The following NHSL1 variants were observed in gnomAD, a reference collection of about 807,000 sequenced individuals.
The protein encoded by NHSL1 is NHS like 1.
NHSL1 carries 48 observed loss-of-function variants against 95.0 expected under a neutral mutation model. That is an observed-to-expected ratio of 0.51 (90% CI 0.40 to 0.64). The LOEUF is 0.64. NHSL1 is among the 30% of genes least tolerant of loss of function. The pLI is 0.00. For missense variants in NHSL1, 1,971 were observed against 2,077.7 expected (o/e 0.95, Z 1.00); for synonymous variants, 783 against 833.9 (o/e 0.94, Z 1.05).
chr6:138,557,337 C>T (rs529488866), intron 1 of NHSL1, among the ~76,000 whole-genome samples: 1 of 152,148 alleles, frequency 6.6e-6, no homozygotes, highest in Non-Finnish European at 1.5e-5. Context: ...ACAGCACTGC[C>T]CACAGGATTG....
At chr6:138,629,224 C>T (rs927189223) in intron 1 of NHSL1, among the ~76,000 whole-genome samples, 1 of 152,208 alleles carries the variant, frequency 6.6e-6, no homozygotes, top group African/African-American at 2.4e-5. Context: ...TTCCCATCAG[C>T]TCTTCCAGAA....
At chr6:138,579,708 T>C (rs1030988673) in intron 1 of NHSL1, among the ~76,000 whole-genome samples, 3 of 152,240 alleles carry the variant, frequency 2.0e-5, no homozygotes, top group South Asian at 2.1e-4. Context: ...ACTAGGTGAA[T>C]TGAATTGCTC....
intron 1 of NHSL1, among the ~76,000 whole-genome samples, chr6:138,681,246 A>G (rs903529266): frequency 1.3e-5 from 2 of 152,244 alleles, no homozygotes; most frequent in Non-Finnish European, 2.9e-5. Flanking sequence ...TCATATTTGT[A>G]TACAGAAACC....
chr6:138,609,998 C>G (rs1378850006), intron 1 of NHSL1, among the ~76,000 whole-genome samples: 7 of 152,020 alleles, frequency 4.6e-5, no homozygotes, highest in African/African-American at 1.7e-4. Flanking sequence ...GCATCTTAGG[C>G]CCCCTGCCAA....
chr6:138,661,629 T>C (rs1411680464), intron 1 of NHSL1, among the ~76,000 whole-genome samples: 1 of 149,220 alleles, frequency 6.7e-6, no homozygotes, highest in Non-Finnish European at 1.5e-5. Context: ...GCCACTGCCC[T>C]CCAGACTAAG....
At chr6:138,597,363 T>C (rs952425534) in intron 1 of NHSL1, among the ~76,000 whole-genome samples, 9 of 152,214 alleles carry the variant, frequency 5.9e-5, no homozygotes, top group Non-Finnish European at 2.9e-5. Context: ...TCTCAGATAC[T>C]GTTATTTCCT....
rs1229372037 is a variant in NHSL1, at chr6:138,427,449, G to GA, written c.4085+2261dup. Among the ~76,000 whole-genome samples the GA allele has an allele frequency of 4.8e-3, 518 of 108,232 alleles. 6 individuals are homozygous for GA. The highest frequency in any genetic ancestry group is 0.013 in the African/African-American group (391 of 29,216). The allele number at this position is 108,232 out of a possible 152,430, so 71.0% of individuals were successfully genotyped here. On this transcript the variant is annotated intron_variant, in intron 7 of 7. Transcript: ENST00000343505. ...AGTGAGTGAGACTCTGTATCAAAAA[G>GA]AAAAAAAAAAAAAGGAAGAAAGATG...
At chr6:138,529,175 T>A (rs963915138) in intron 1 of NHSL1, among the ~76,000 whole-genome samples, 3 of 152,186 alleles carry the variant, frequency 2.0e-5, no homozygotes, top group Non-Finnish European at 4.4e-5. Context: ...CTGGGTCAAC[T>A]ATGATGTTCC....
intron 3 of NHSL1, among the ~76,000 whole-genome samples, chr6:138,472,928 T>C (rs1023686013): frequency 1.3e-5 from 2 of 152,218 alleles, no homozygotes; most frequent in African/African-American, 2.4e-5. Context: ...CTTGGTCATA[T>C]GAAAACTCAA....
chr6:138,588,970 G>T (rs1784183913), intron 1 of NHSL1, among the ~76,000 whole-genome samples: 1 of 152,148 alleles, frequency 6.6e-6, no homozygotes, highest in African/African-American at 2.4e-5. Context: ...ACGACATGCA[G>T]TGCTTGTAGT....
Position 138,424,409 on chromosome 6 carries a change from C to T in NHSL1, c.4493G>A (p.Gly1498Asp). The T allele has an allele frequency of 6.5e-7, 1 of 1,550,116 alleles. No homozygotes were observed. The highest frequency in any genetic ancestry group is 8.7e-7 in the Non-Finnish European group (1 of 1,146,034). The change falls in exon 8 of 8, where the codon GGC becomes GAC. Residue 1498 changes from glycine to aspartate, a missense_variant. By Grantham distance (94) the Gly-to-Asp change is moderately conservative. Coordinates refer to ENST00000343505, the MANE Select transcript of NHSL1 (RefSeq NM_001144060.2). This position sits in a 1 kb window ranked among gnomAD's most constrained non-coding sequence, Gnocchi z 5.9. ...GGCAGAAGGCGGCGTTCGGCTGCGG[C>T]CGTACCTGGGGCCGGAAAAGGACAG... The part of the protein sequence containing the change: ...RSLSFSGPRY[G>D]RSRTPPSAAS...
At chr6:138,670,086 A>C (rs1179362826) in intron 1 of NHSL1, among the ~76,000 whole-genome samples, 1 of 152,072 alleles carries the variant, frequency 6.6e-6, no homozygotes, top group African/African-American at 2.4e-5. Context: ...ACGCCACTGC[A>C]CTCCAGCCTG....
At chr6:138,657,407 C>T (rs1785170253) in intron 1 of NHSL1, among the ~76,000 whole-genome samples, 1 of 152,208 alleles carries the variant, frequency 6.6e-6, no homozygotes, top group African/African-American at 2.4e-5. Flanking sequence ...GGAAGCAACA[C>T]TAGGGCTGAT....
chr6:138,673,588 TA>T (rs1187379272), intron 1 of NHSL1, among the ~76,000 whole-genome samples: 3 of 152,268 alleles, frequency 2.0e-5, no homozygotes, highest in East Asian at 3.9e-4. Context: ...AAGTTTAAGT[TA>T]AAAAACAGAA....
At chr6:138,564,843 G>A (rs933691978) in intron 1 of NHSL1, among the ~76,000 whole-genome samples, 2 of 152,184 alleles carry the variant, frequency 1.3e-5, no homozygotes, top group Non-Finnish European at 1.5e-5. Context: ...AGACTTCACA[G>A]AGTTTTAAAG....
intron 2 of NHSL1, 97 bp downstream of exon 2, chr6:138,496,122 C>A: frequency 7.9e-7 from 1 of 1,270,214 alleles, no homozygotes; most frequent in South Asian, 1.3e-5. Flanking sequence ...ACTATACATT[C>A]AATAAAAGTA....
chr6:138,459,467 TGTTA>T (rs1187529994), intron 3 of NHSL1, among the ~76,000 whole-genome samples: 1 of 152,226 alleles, frequency 6.6e-6, no homozygotes, highest in Non-Finnish European at 1.5e-5. Flanking sequence ...ATCATTGAAC[TGTTA>T]TTTATAGAAG....
chr6:138,428,780 T>G (rs1329590552), intron 7 of NHSL1, among the ~76,000 whole-genome samples: 2 of 151,918 alleles, frequency 1.3e-5, no homozygotes, highest in African/African-American at 4.8e-5. Flanking sequence ...GGATGCTTTG[T>G]TTCAGGAGGT....
chr6:138,665,053 T>C (rs937914888), intron 1 of NHSL1, among the ~76,000 whole-genome samples: 1 of 152,214 alleles, frequency 6.6e-6, no homozygotes, highest in South Asian at 2.1e-4. Flanking sequence ...ATATTAACCA[T>C]CACTGAAGCC....
Sources: allele counts gnomAD v4.1 joint callset (sites outside exome capture counted in the v4.1 genomes callset), GRCh38; gene constraint gnomAD v4.1.1; non-coding constraint Gnocchi (gnomAD v3.1); transcripts MANE v1.5; gene names NCBI Gene and HGNC (gene_info 2026-07-23, HGNC 2026-07-21).